Variants in NUP188 observed in about 807,000 individuals in gnomAD.
NUP188 encodes nucleoporin NUP188.
A neutral mutation model predicts 223.0 loss-of-function variants in NUP188; 97 were observed. That is an observed-to-expected ratio of 0.43 (90% CI 0.37 to 0.51). The LOEUF (loss-of-function observed/expected upper bound fraction) is 0.51, where lower values mean the gene tolerates loss of function less well. Among genes scored for constraint, NUP188 ranks in the 20% least tolerant of loss-of-function variants. NUP188 has a pLI of 0.00. For synonymous variants in NUP188, 869 were observed against 828.0 expected (o/e 1.05, Z -0.85); for missense variants, 1,947 against 2,175.6 (o/e 0.89, Z 2.09).
Position 128,988,150 on chromosome 9 carries a change from G to A in NUP188, c.2497G>A (p.Val833Met), listed in dbSNP as rs749354021. ...TATTCGGCTGAAACCTCCTTCTAAT[G>A]TGGTGTCCCCCCTGGAACAGGCTCT... is the stretch of plus-strand genomic sequence containing the variant. ...NVIRLKPPSN[V>M]VSPLEQALSQ... The change falls in exon 24 of 44, where the codon GTG becomes ATG. Residue 833 changes from valine (V) to methionine (M), a missense_variant. Physicochemically the swap from Val to Met is conservative, Grantham distance 21 (BLOSUM62 1). Coordinates refer to ENST00000372577, the MANE Select transcript of NUP188 (RefSeq NM_015354.3). 3.8e-5 allele frequency: 61 copies of A among 1,613,952 alleles called. No homozygotes were observed. The highest frequency in any genetic ancestry group is 1.6e-4 in the African/African-American group (12 of 74,916).
intron 30 of NUP188, among the ~76,000 whole-genome samples, chr9:128,997,018 T>C (rs1380856531): frequency 1.3e-5 from 2 of 152,070 alleles, no homozygotes; most frequent in African/African-American, 4.8e-5. Context: ...ATAAAAAATA[T>C]GGTTTCAGAT....
chr9:129,001,872 C>T lies in NUP188; in HGVS notation c.4045-12C>T, dbSNP rs771374947. 3 of 1,612,994 alleles carry T rather than the reference C, an allele frequency of 1.9e-6. No homozygotes were observed. The highest frequency in any genetic ancestry group is 3.3e-5 in the Admixed American group (2 of 60,004). On this transcript the variant is annotated splice_polypyrimidine_tract_variant and intron_variant, in intron 35 of 43. Coordinates refer to ENST00000372577, the MANE Select transcript of NUP188 (RefSeq NM_015354.3). ...AGGCTCCATCTCATTTCCTGTCTTT[C>T]CCTCCTCCCAGGGAGCCACAGCAGT...
rs10123425 is a variant in NUP188 at position 128,999,352 on chromosome 9, G to A, written c.3661+35G>A. On this transcript the variant is annotated intron_variant, in intron 33 of 43. Coordinates refer to ENST00000372577, the MANE Select transcript of NUP188 (RefSeq NM_015354.3). ...AGAGGCAGGGGGAGCAGCAGCTGCA[G>A]TCTGCCCACTCCTGCTGACAGCCAG... is the stretch of plus-strand genomic sequence containing the variant. The A allele has an allele frequency of 4.9e-4, 787 of 1,608,524 alleles. 3 individuals carry two copies. The African/African-American group carries it at 9.4e-3, about 19-fold the overall frequency.
At chr9:128,986,410 G>A (rs901004052) in intron 20 of NUP188, 148 bp from the exon 21 acceptor site, 1 of 776,464 alleles carries the variant, frequency 1.3e-6, no homozygotes. Context: ...TATAAAGTAG[G>A]ACTTTTGATG....
At chr9:128,990,324 G>A (rs764701445) in intron 25 of NUP188, 98 bp downstream of exon 25, 113 of 942,632 alleles carry the variant, frequency 1.2e-4, no homozygotes, top group Non-Finnish European at 1.5e-4. Flanking sequence ...GCGGCTTAAC[G>A]CCTGTATATA....
At chr9:128,965,820 A>G (rs568948716) in intron 8 of NUP188, among the ~76,000 whole-genome samples, 1 of 145,360 alleles carries the variant, frequency 6.9e-6, no homozygotes, top group Non-Finnish European at 1.5e-5. Flanking sequence ...TTTTTTTTTT[A>G]AATTTTCACT....
intron 15 of NUP188, 116 bp downstream of exon 15, chr9:128,981,506 G>GA: frequency 1.9e-6 from 2 of 1,051,102 alleles, no homozygotes; most frequent in South Asian, 3.1e-5. Context: ...TCAAATTCTT[G>GA]GGCTCAAGTG....
In NUP188 at chr9:128,984,890, C is replaced by T. The variant is rs1264512958; in HGVS notation, c.1962-10C>T. ...CCTATCATTTTTTTTCCCTCTACTT[C>T]TTTTTCCAGTGCGGAAGGGATGAAT... is the stretch of plus-strand genomic sequence containing the variant. On this transcript the variant is annotated splice_polypyrimidine_tract_variant and intron_variant, in intron 19 of 43. Transcript: ENST00000372577. 4 of 1,574,716 alleles carry T rather than the reference C, an allele frequency of 2.5e-6. No individual in the cohort carries two copies. Among genetic ancestry groups the T allele is most frequent in the Admixed American group, 1.9e-5 (1 of 53,732 alleles).
intron 33 of NUP188, 88 bp downstream of exon 33, chr9:128,999,405 A>G: frequency 5.3e-6 from 8 of 1,508,314 alleles, no homozygotes; most frequent in Middle Eastern, 1.9e-4. Flanking sequence ...TTAGGGCCAC[A>G]CATTTCTTCT....
At chr9:128,978,759 G>C (rs1842214691) in intron 12 of NUP188, among the ~76,000 whole-genome samples, 1 of 152,018 alleles carries the variant, frequency 6.6e-6, no homozygotes, top group Non-Finnish European at 1.5e-5. Context: ...GCCCAGGCTA[G>C]AGTACAGTGG....
chr9:128,962,205 G>C (rs1205417618), intron 8 of NUP188, among the ~76,000 whole-genome samples: 3 of 151,480 alleles, frequency 2.0e-5, no homozygotes, highest in East Asian at 1.9e-4. Context: ...AAAGTGCTGG[G>C]ATTACGGTGG....
In NUP188 at chr9:128,956,384, G is replaced by GCTA. The variant is rs1841871409; in HGVS notation, c.196_197insCTA (p.Asp66delinsAlaAsn). The GCTA allele has an allele frequency of 6.3e-7, 1 of 1,580,106 alleles. No homozygotes were observed. The highest frequency in any genetic ancestry group is 1.4e-5 in the African/African-American group (1 of 72,978). ...AGCTGAAAAAGTGAAAGCTAATAAAGATGTAGCTTCACCATTGAAGGAACT... is the reference window on the plus strand; with the variant it reads ...AGCTGAAAAAGTGAAAGCTAATAAAGCTAATGTAGCTTCACCATTGAAGGAACT... On this transcript the variant is annotated protein_altering_variant, in exon 4 of 44. Transcript: ENST00000372577.
rs777572669 is a variant in NUP188 at position 128,956,401 on chromosome 9, G to A, written c.213G>A (p.Leu71=). ...VKANKDVASP[L]KELGLRISKF... is the part of the protein sequence containing the mutation. ...CTAATAAAGATGTAGCTTCACCATT[G>A]AAGGAACTGGGTTTAAGAATCAGCA... Residue 71 remains leucine (L), a synonymous_variant, in exon 4 of 44, where the codon TTG becomes TTA. Coordinates refer to ENST00000372577, the MANE Select transcript of NUP188 (RefSeq NM_015354.3). The A allele has an allele frequency of 2.5e-6, 4 of 1,581,216 alleles. No homozygotes were observed. Among genetic ancestry groups the A allele is most frequent in the Non-Finnish European group, 3.4e-6 (4 of 1,167,310 alleles).
At chr9:128,960,043 G>T (rs1841924633) in intron 8 of NUP188, among the ~76,000 whole-genome samples, 1 of 143,890 alleles carries the variant, frequency 6.9e-6, no homozygotes, top group Non-Finnish European at 1.5e-5. Context: ...TGTAACACTA[G>T]TCTGATTATT....
At chr9:128,971,664 C>T (rs1009473692) in intron 11 of NUP188, among the ~76,000 whole-genome samples, 18 of 152,292 alleles carry the variant, frequency 1.2e-4, no homozygotes, top group African/African-American at 3.8e-4. Context: ...GTGATCCACC[C>T]GCCTCGGCCT....
rs1243923981 is a variant in NUP188 at position 128,956,402 on chromosome 9, A to G, written c.214A>G (p.Lys72Glu). Residue 72 changes from lysine (K) to glutamate (E), a missense_variant, in exon 4 of 44, where the codon AAG becomes GAG. Physicochemically the swap from Lys to Glu is moderately conservative, Grantham distance 56 (BLOSUM62 1). Transcript: ENST00000372577. ...TAATAAAGATGTAGCTTCACCATTG[A>G]AGGAACTGGGTTTAAGAATCAGCAA... ...KANKDVASPLKELGLRISKFL... is the reference protein window; with the variant it reads ...KANKDVASPLEELGLRISKFL... The G allele has an allele frequency of 1.9e-6, 3 of 1,581,354 alleles. No individual in the cohort carries two copies. The highest frequency in any genetic ancestry group is 2.6e-6 in the Non-Finnish European group (3 of 1,167,326).
At chr9:128,959,385 G>A (rs946261861) in intron 8 of NUP188, among the ~76,000 whole-genome samples, 12 of 149,434 alleles carry the variant, frequency 8.0e-5, no homozygotes, top group African/African-American at 2.5e-4. Flanking sequence ...CAGGTGATCC[G>A]CCCACCTCAG....
intron 12 of NUP188, among the ~76,000 whole-genome samples, chr9:128,973,773 A>G (rs1466270278): frequency 2.0e-5 from 3 of 152,248 alleles, no homozygotes; most frequent in South Asian, 2.1e-4. Context: ...GTCCTATCAC[A>G]TAGATAACTT....
intron 8 of NUP188, among the ~76,000 whole-genome samples, chr9:128,963,071 T>C (rs919703366): frequency 2.0e-5 from 3 of 152,202 alleles, no homozygotes; most frequent in Non-Finnish European, 2.9e-5. Context: ...TCATTCTTAT[T>C]TATGGTTGAG....
Sources: allele counts gnomAD v4.1 joint callset (sites outside exome capture counted in the v4.1 genomes callset), GRCh38; gene constraint gnomAD v4.1.1; transcripts MANE v1.5; gene names NCBI Gene and HGNC (gene_info 2026-07-23, HGNC 2026-07-21).